Variants in AGBL1 observed in about 807,000 individuals in gnomAD.
The protein encoded by AGBL1 is cytosolic carboxypeptidase 4.
In AGBL1, 130 loss-of-function variants were observed where a neutral mutation model predicts 118.9. That is an observed-to-expected ratio of 1.09 (90% CI 0.95 to 1.26). The LOEUF (loss-of-function observed/expected upper bound fraction) is 1.26. Ranked by LOEUF, AGBL1 falls within the 50% of genes most tolerant of loss-of-function variation. The probability of loss-of-function intolerance (pLI) is 0.00; values close to 1 mark genes in which losing one functional copy is unlikely to be tolerated. For missense variants in AGBL1, 1,584 were observed against 1,298.1 expected (o/e 1.22, Z -3.38); for synonymous variants, 555 against 478.9 (o/e 1.16, Z -2.08).
chr15:86,141,615 C>T (rs956697955), intron 1 of AGBL1, among the ~76,000 whole-genome samples: 1 of 152,168 alleles, frequency 6.6e-6, no homozygotes, highest in Non-Finnish European at 1.5e-5. Context: ...CGCACCACTG[C>T]ACCCCCGCCT....
intron 1 of AGBL1, chr15:86,080,301 A>C (rs1168852180): frequency 3.4e-6 from 1 of 297,800 alleles, no homozygotes; most frequent in African/African-American, 2.2e-5. Context: ...AGAAATGGGA[A>C]AGGTGGAGAA....
chr15:86,142,397 T>C (rs534638950), intron 2 of AGBL1, among the ~76,000 whole-genome samples: 3 of 152,288 alleles, frequency 2.0e-5, no homozygotes, highest in Admixed American at 2.0e-4. Flanking sequence ...CTTTGGCTAT[T>C]TGAAGTAGAG....
intron 21 of AGBL1, among the ~76,000 whole-genome samples, chr15:86,668,395 TCCTTTTTGTG>T (rs2085683991): frequency 6.6e-6 from 1 of 152,202 alleles, no homozygotes; most frequent in Non-Finnish European, 1.5e-5. Flanking sequence ...TCTTATTGTT[TCCTTTTTGTG>T]CCTTTTAATG....
chr15:86,249,393 G>C (rs1419877476), intron 7 of AGBL1, among the ~76,000 whole-genome samples: 1 of 152,052 alleles, frequency 6.6e-6, no homozygotes, highest in African/African-American at 2.4e-5. Flanking sequence ...ATTAAAAAAT[G>C]GTCTTTTCCC....
At chr15:86,606,454 G>T (rs967902577) in intron 21 of AGBL1, among the ~76,000 whole-genome samples, 6 of 152,152 alleles carry the variant, frequency 3.9e-5, no homozygotes, top group African/African-American at 1.4e-4. Context: ...ATATAAAGAC[G>T]CTGTTTATTG....
At chr15:86,627,668 A>T (rs1477973028) in intron 21 of AGBL1, among the ~76,000 whole-genome samples, 1 of 152,240 alleles carries the variant, frequency 6.6e-6, no homozygotes, top group African/African-American at 2.4e-5. Flanking sequence ...GAATTTATGT[A>T]ATGCAGTGAA....
chr15:87,001,946 G>A (rs1217747661), intron 24 of AGBL1, among the ~76,000 whole-genome samples: 3 of 152,004 alleles, frequency 2.0e-5, no homozygotes, highest in Non-Finnish European at 4.4e-5. Context: ...CATGCTGATG[G>A]TAGTTTCTTT....
At chr15:86,266,910 T>C (rs1165042655) in intron 12 of AGBL1, 80 bp from the exon 13 acceptor site, 1 of 1,208,060 alleles carries the variant, frequency 8.3e-7, no homozygotes, top group Non-Finnish European at 1.2e-6. Flanking sequence ...AAAAAAATAA[T>C]AATGAAAAAA....
chr15:86,743,161 A>AT (rs201435479), intron 22 of AGBL1, among the ~76,000 whole-genome samples: 2 of 152,204 alleles, frequency 1.3e-5, no homozygotes, highest in East Asian at 1.9e-4. Context: ...TTTAAAAAGT[A>AT]TTTTTTTAAA....
intron 22 of AGBL1, among the ~76,000 whole-genome samples, chr15:86,756,983 T>C (rs182741711): frequency 1.2e-3 from 184 of 151,900 alleles, no homozygotes; most frequent in African/African-American, 3.7e-3. Context: ...TCATTCCGCT[T>C]GTAACTAATT....
chr15:86,677,141 C>A (rs997861934), intron 22 of AGBL1, among the ~76,000 whole-genome samples: 15 of 152,168 alleles, frequency 9.9e-5, no homozygotes, highest in African/African-American at 3.4e-4. Flanking sequence ...CTGTGGACAT[C>A]ATGTTTTCTG....
At chr15:86,149,305 A>T (rs1172998349) in intron 3 of AGBL1, among the ~76,000 whole-genome samples, 1 of 152,242 alleles carries the variant, frequency 6.6e-6, no homozygotes, top group African/African-American at 2.4e-5. Flanking sequence ...AATGGGCTGA[A>T]TGCTCCAATT....
chr15:86,081,548 A>C (rs1895286818), intron 1 of AGBL1, among the ~76,000 whole-genome samples: 5 of 152,234 alleles, frequency 3.3e-5, no homozygotes. Context: ...ATGCAAGGTG[A>C]GAATGTATCT....
chr15:86,353,957 T>A (rs564980012), intron 17 of AGBL1, among the ~76,000 whole-genome samples: 1 of 152,356 alleles, frequency 6.6e-6, no homozygotes, highest in Non-Finnish European at 1.5e-5. Flanking sequence ...CTTTCATGCA[T>A]GGCTCAAGAC....
At chr15:86,775,993 G>A (rs539346632) in intron 22 of AGBL1, among the ~76,000 whole-genome samples, 12 of 152,032 alleles carry the variant, frequency 7.9e-5, no homozygotes, top group Non-Finnish European at 1.6e-4. Context: ...AGACGTAAGT[G>A]GGTCCACAAA....
chr15:86,106,568 A>G (rs1294738084), intron 1 of AGBL1, among the ~76,000 whole-genome samples: 2 of 152,224 alleles, frequency 1.3e-5, no homozygotes, highest in East Asian at 1.9e-4. Context: ...CTGACTAAAC[A>G]TCTTGCGACA....
intron 22 of AGBL1, among the ~76,000 whole-genome samples, chr15:86,843,583 C>A (rs1260699976): frequency 2.0e-5 from 3 of 152,082 alleles, no homozygotes; most frequent in African/African-American, 7.2e-5. Flanking sequence ...CAAACATTGT[C>A]CCCCAGGCAG....
chr15:86,645,276 T>C (rs1362613421), intron 21 of AGBL1, among the ~76,000 whole-genome samples: 1 of 152,182 alleles, frequency 6.6e-6, no homozygotes, highest in Non-Finnish European at 1.5e-5. Flanking sequence ...TATACATACA[T>C]ATATACTTGT....
chr15:86,854,077 G>A (rs1596553542), intron 22 of AGBL1, among the ~76,000 whole-genome samples: 1 of 152,136 alleles, frequency 6.6e-6, no homozygotes, highest in Non-Finnish European at 1.5e-5. Context: ...TGAGAGAGTT[G>A]CAATAACACA....
Sources: allele counts gnomAD v4.1 joint callset (sites outside exome capture counted in the v4.1 genomes callset), GRCh38; gene constraint gnomAD v4.1.1; transcripts MANE v1.5; gene names NCBI Gene and HGNC (gene_info 2026-07-23, HGNC 2026-07-21).